Variants in ERBB4 observed in about 807,000 individuals in gnomAD.
The protein encoded by ERBB4 is receptor tyrosine-protein kinase erbB-4.
In ERBB4, 42 loss-of-function variants were observed where a neutral mutation model predicts 158.0. The observed-to-expected ratio is 0.27, with a 90% CI of 0.21 to 0.34. The LOEUF is 0.34. ERBB4 is among the 10% of genes least tolerant of loss of function. ERBB4 has a pLI of 1.00. For synonymous variants in ERBB4, 583 were observed against 558.7 expected (o/e 1.04, Z -0.61); for missense variants, 1,333 against 1,624.1 (o/e 0.82, Z 3.08).
chr2:211,782,189 A>G (rs992865560), intron 4 of ERBB4, among the ~76,000 whole-genome samples: 2 of 152,076 alleles, frequency 1.3e-5, no homozygotes, highest in African/African-American at 4.8e-5. Context: ...TTCCAGGTTC[A>G]TAAAACTTTC....
chr2:211,790,601 G>T (rs1229517498), intron 3 of ERBB4, among the ~76,000 whole-genome samples: 1 of 151,994 alleles, frequency 6.6e-6, no homozygotes, highest in African/African-American at 2.4e-5. Flanking sequence ...GATTTAGAAA[G>T]GAGACAATAA....
intron 1 of ERBB4, among the ~76,000 whole-genome samples, chr2:212,171,457 G>T (rs2081516724): frequency 6.6e-6 from 1 of 151,992 alleles, no homozygotes; most frequent in Non-Finnish European, 1.5e-5. Context: ...AGGCATGATT[G>T]GTTCTGAAAT....
intron 20 of ERBB4, among the ~76,000 whole-genome samples, chr2:211,445,738 C>A (rs2064095654): frequency 6.6e-6 from 1 of 152,002 alleles, no homozygotes; most frequent in South Asian, 2.1e-4. Flanking sequence ...CAAAACAACA[C>A]AAAATTAGGC....
intron 1 of ERBB4, among the ~76,000 whole-genome samples, chr2:212,398,097 T>C (rs2091082407): frequency 1.1e-5 from 1 of 94,258 alleles, no homozygotes. Flanking sequence ...ACCTGATACA[T>C]ATATATGTGT....
chr2:212,197,510 C>G (rs55786007), intron 1 of ERBB4, among the ~76,000 whole-genome samples: 28,489 of 152,080 alleles, frequency 0.19, 2,964 homozygotes, highest in Non-Finnish European at 0.22. Flanking sequence ...GCTTAACTCT[C>G]ATAAATATCT....
chr2:212,244,483 G>T (rs2084238676), intron 1 of ERBB4, among the ~76,000 whole-genome samples: 1 of 152,064 alleles, frequency 6.6e-6, no homozygotes, highest in South Asian at 2.1e-4. Context: ...TTGGGGAATG[G>T]GCATTGAGAA....
chr2:211,866,924 G>A (rs1439198641), intron 3 of ERBB4, among the ~76,000 whole-genome samples: 2 of 146,086 alleles, frequency 1.4e-5, no homozygotes, highest in African/African-American at 5.1e-5. Context: ...GCTTTAGAGT[G>A]CTCCCCTCCC....
At chr2:211,639,874 C>T (rs577748596) in intron 16 of ERBB4, among the ~76,000 whole-genome samples, 1 of 152,058 alleles carries the variant, frequency 6.6e-6, no homozygotes, top group Non-Finnish European at 1.5e-5. Context: ...GGCACCCCCC[C>T]ACCATGCCCA....
At position 212,286,607 on chromosome 2, in the gene ERBB4, T is replaced by TG. The variant is rs1251531378; in HGVS notation, c.83-161705_83-161704insC. Among the ~76,000 whole-genome samples, 129 of 125,962 alleles carry TG rather than the reference T, an allele frequency of 1.0e-3. 4 individuals carry two copies. The highest frequency in any genetic ancestry group is 2.2e-3 in the South Asian group (8 of 3,612). The allele number at this position is 125,962 out of a possible 152,430, so 82.6% of individuals were successfully genotyped here. ...CATAAGTGCTGACTTTTTTTTTTTT[T>TG]TTTTTTTTTTTTTGACACAGAGTCT... On this transcript the variant is annotated intron_variant, in intron 1 of 27. Transcript: ENST00000342788.
At chr2:212,522,831 A>C (rs147364508) in intron 1 of ERBB4, among the ~76,000 whole-genome samples, 1 of 152,096 alleles carries the variant, frequency 6.6e-6, no homozygotes, top group African/African-American at 2.4e-5. Flanking sequence ...ACAGAGGATT[A>C]ATACCATCTA....
chr2:211,495,503 G>T (rs1200615295), intron 20 of ERBB4, among the ~76,000 whole-genome samples: 1 of 151,930 alleles, frequency 6.6e-6, no homozygotes, highest in Non-Finnish European at 1.5e-5. Flanking sequence ...ACTCATTATT[G>T]TGACAACAGG....
At chr2:211,910,828 TA>T (rs2079524201) in intron 3 of ERBB4, among the ~76,000 whole-genome samples, 1 of 152,238 alleles carries the variant, frequency 6.6e-6, no homozygotes, top group Non-Finnish European at 1.5e-5. Flanking sequence ...AAAATGAATT[TA>T]AAATTATTTT....
chr2:211,414,415 G>T (rs1348852648), intron 25 of ERBB4, among the ~76,000 whole-genome samples: 3 of 149,344 alleles, frequency 2.0e-5, no homozygotes, highest in African/African-American at 7.4e-5. Context: ...AGGATTGCTT[G>T]AACCTGGGAG....
rs185317157 is a variant in ERBB4, at chr2:212,373,706, T to G, written c.82+164743A>C. Reference sequence around the variant, plus strand: ...ATGGAGATACATATATATCCATATATATATCCACATATATATCCATATATA... The same window carrying G: ...ATGGAGATACATATATATCCATATAGATATCCACATATATATCCATATATA... On this transcript the variant is annotated intron_variant, in intron 1 of 27. Coordinates refer to ENST00000342788, the MANE Select transcript of ERBB4 (RefSeq NM_005235.3). 1.7e-3 allele frequency among the ~76,000 whole-genome samples: 249 copies of G among 147,766 alleles called. 5 individuals carry two copies. The highest frequency in any genetic ancestry group is 6.3e-3 in the Middle Eastern group (1 of 158).
chr2:211,901,752 T>C (rs904334503), intron 3 of ERBB4, among the ~76,000 whole-genome samples: 3 of 152,168 alleles, frequency 2.0e-5, no homozygotes, highest in Admixed American at 6.5e-5. Flanking sequence ...TTTTTTCCTA[T>C]ATTTATCATC....
chr2:211,841,956 A>G (rs1665552672), intron 3 of ERBB4, among the ~76,000 whole-genome samples: 1 of 152,024 alleles, frequency 6.6e-6, no homozygotes, highest in Admixed American at 6.6e-5. Context: ...CTGACAATTC[A>G]TGTTTCAATA....
intron 25 of ERBB4, among the ~76,000 whole-genome samples, chr2:211,403,722 T>C (rs550618650): frequency 6.6e-6 from 1 of 152,300 alleles, no homozygotes; most frequent in African/African-American, 2.4e-5. Context: ...TCTCTTATTC[T>C]TTCTGTGCAT....
chr2:212,426,766 C>T (rs1296127814), intron 1 of ERBB4, among the ~76,000 whole-genome samples: 1 of 152,014 alleles, frequency 6.6e-6, no homozygotes, highest in East Asian at 1.9e-4. Context: ...ATTGTGAGTG[C>T]AGTCTAGGAT....
intron 20 of ERBB4, among the ~76,000 whole-genome samples, chr2:211,499,123 C>G (rs1156408117): frequency 2.0e-5 from 3 of 152,102 alleles, no homozygotes; most frequent in Non-Finnish European, 4.4e-5. Flanking sequence ...ATCATTCCTC[C>G]TCATACTCAA....
Sources: allele counts gnomAD v4.1 joint callset (sites outside exome capture counted in the v4.1 genomes callset), GRCh38; gene constraint gnomAD v4.1.1; transcripts MANE v1.5; gene names NCBI Gene and HGNC (gene_info 2026-07-23, HGNC 2026-07-21).